Variants in SLC37A1 observed in about 807,000 individuals in gnomAD.
SLC37A1 encodes solute carrier family 37 member 1.
In SLC37A1, 49 loss-of-function variants were observed where a neutral mutation model predicts 75.3. The ratio of observed to expected loss-of-function variants is 0.65; its 90% CI spans 0.52 to 0.83. SLC37A1 has a LOEUF of 0.83. SLC37A1 is among the 40% of genes least tolerant of loss of function. The pLI, the probability that SLC37A1 is intolerant of heterozygous loss-of-function variation, is 0.00. For synonymous variants in SLC37A1, 268 were observed against 292.1 expected (o/e 0.92, Z 0.84); for missense variants, 566 against 695.0 (o/e 0.81, Z 2.09).
chr21:42,578,106 C>T (rs1476234415), intron 18 of SLC37A1, among the ~76,000 whole-genome samples: 1 of 152,198 alleles, frequency 6.6e-6, no homozygotes, highest in Non-Finnish European at 1.5e-5. Context: ...TGTTTCCTCC[C>T]GAGTCTGGAG....
chr21:42,501,296 T>C (rs1453989724), intron 1 of SLC37A1, among the ~76,000 whole-genome samples: 1 of 152,254 alleles, frequency 6.6e-6, no homozygotes, highest in Non-Finnish European at 1.5e-5. Flanking sequence ...TCTCTCAGGA[T>C]ATCAGTTGCT....
intron 18 of SLC37A1, among the ~76,000 whole-genome samples, chr21:42,576,842 T>C (rs1168768478): frequency 1.3e-5 from 2 of 152,048 alleles, no homozygotes; most frequent in Non-Finnish European, 2.9e-5. Context: ...ATGAAGAAAT[T>C]ATCCAGAATT....
intron 6 of SLC37A1, among the ~76,000 whole-genome samples, chr21:42,542,049 A>G (rs1293686655): frequency 6.6e-6 from 1 of 152,192 alleles, no homozygotes; most frequent in Non-Finnish European, 1.5e-5. Context: ...GCCTCTTTCT[A>G]TGAAGTTTTT....
rs148194255 is a variant in SLC37A1 at position 42,541,203 on chromosome 21, G to A, written c.487-1201G>A. ...CGCTCCTATGAGAATCTAACGCCCC[G>A]CTGATCTGACAGGAGGTGGAGCTCA... On this transcript the variant is annotated intron_variant, in intron 6 of 19. Transcript: ENST00000352133. Among the ~76,000 whole-genome samples, 92 of 152,306 alleles carry A rather than the reference G, an allele frequency of 6.0e-4. 3 individuals are homozygous for A. The highest frequency in any genetic ancestry group is 1.7e-3 in the African/African-American group (72 of 41,570).
rs1298255131 is a variant in SLC37A1, at chr21:42,548,583, C to G, written c.768+1443C>G. Among the ~76,000 whole-genome samples, 4 of 152,222 alleles carry G rather than the reference C, an allele frequency of 2.6e-5. No homozygotes were observed. The highest frequency in any genetic ancestry group is 5.9e-5 in the Non-Finnish European group (4 of 68,038). On this transcript the variant is annotated intron_variant, in intron 9 of 19. Transcript: ENST00000352133. The surrounding 1 kb of genome is among the most constrained non-coding windows in gnomAD (Gnocchi z 5.6). Reference sequence around the variant, plus strand: ...GCCTCTACCACCCTGGTCCCCGTCACCACCGTCAGCTCTCCTCCGAGCCAC... The same window carrying G: ...GCCTCTACCACCCTGGTCCCCGTCAGCACCGTCAGCTCTCCTCCGAGCCAC...
chr21:42,555,807 G>A (rs1287072507), intron 10 of SLC37A1, among the ~76,000 whole-genome samples: 2 of 152,244 alleles, frequency 1.3e-5, no homozygotes, highest in African/African-American at 2.4e-5. Flanking sequence ...AGCCAGTTAT[G>A]TAAGTAAAGG....
chr21:42,535,597 T>C (rs1677971273), intron 5 of SLC37A1, 47 bp downstream of exon 5: 2 of 1,529,930 alleles, frequency 1.3e-6, no homozygotes, highest in Admixed American at 3.3e-5. Flanking sequence ...ACCTGGCCCC[T>C]CCGTGCAGAG....
At chr21:42,567,123 G>T in intron 16 of SLC37A1, 65 bp downstream of exon 16, 1 of 1,559,626 alleles carries the variant, frequency 6.4e-7, no homozygotes, top group Non-Finnish European at 8.7e-7. Context: ...CATGACAAAA[G>T]TGGCCTCCAT....
At position 42,558,988 on chromosome 21, in the gene SLC37A1, G is replaced by A. The variant is rs1479445349; in HGVS notation, c.880G>A (p.Asp294Asn). 2 of 1,613,756 alleles carry A rather than the reference G, an allele frequency of 1.2e-6. No homozygotes were observed. Among genetic ancestry groups the A allele is most frequent in the African/African-American group, 2.7e-5 (2 of 74,908 alleles). Residue 294 changes from aspartate to asparagine, a missense_variant, in exon 11 of 20, where the codon GAT becomes AAT. Transcript: ENST00000352133. The part of the protein sequence containing the change: ...DPEMQCLLLS[D>N]GKGSIHPNHV... ...AGAGATGCAGTGCCTGCTGCTCTCA[G>A]ATGGGAAGGGCTCCATCCACCCGAA...
chr21:42,564,935 C>G, intron 14 of SLC37A1, 142 bp downstream of exon 14: 1 of 726,912 alleles, frequency 1.4e-6, no homozygotes. Context: ...CTCCTGTCCC[C>G]CGACCCCTCC....
At position 42,502,044 on chromosome 21, in the gene SLC37A1, C is replaced by T. The variant is rs75590071; in HGVS notation, c.-300-252C>T. ...GGAAGGTCATGATCAAATAAGATAA[C>T]GAGGATGAAATGATTTGGAAGTGCT... On this transcript the variant is annotated intron_variant, in intron 1 of 20. Coordinates refer to the SLC37A1 transcript ENST00000398341. Among the ~76,000 whole-genome samples the T allele has an allele frequency of 2.7e-3, 414 of 152,224 alleles. 2 individuals carry two copies. The highest frequency in any genetic ancestry group is 9.2e-3 in the African/African-American group (383 of 41,534).
chr21:42,516,356 C>T (rs2146702138), intron 1 of SLC37A1, among the ~76,000 whole-genome samples: 1 of 152,294 alleles, frequency 6.6e-6, no homozygotes, highest in South Asian at 2.1e-4. Context: ...GGCGAGCCGC[C>T]TAGCCTCATT....
intron 3 of SLC37A1, among the ~76,000 whole-genome samples, chr21:42,532,255 C>T (rs117566949): frequency 0.059 from 8,941 of 152,328 alleles, 365 homozygotes; most frequent in Middle Eastern, 0.11. Context: ...CATTTCTAAT[C>T]GGATATGTTT....
At chr21:42,517,472 G>A (rs1381072844) in intron 1 of SLC37A1, among the ~76,000 whole-genome samples, 1 of 152,194 alleles carries the variant, frequency 6.6e-6, no homozygotes, top group African/African-American at 2.4e-5. Flanking sequence ...TGGTATAAGG[G>A]AAAAATCCTT....
In SLC37A1 at chr21:42,570,161, G is replaced by A. The variant is rs540848654; in HGVS notation, c.1423+1723G>A. Among the ~76,000 whole-genome samples, 349 of 106,238 alleles carry A rather than the reference G, an allele frequency of 3.3e-3. 35 individuals are homozygous for A. The highest frequency in any genetic ancestry group is 4.3e-3 in the Non-Finnish European group (203 of 47,282). The allele number at this position is 106,238 out of a possible 152,430, so 69.7% of individuals were successfully genotyped here. ...ACACGGCCTGGTTCTGAGAAGCGGC[G>A]GGCAGGGTGGCCATTGCCATGTGAC... On this transcript the variant is annotated intron_variant, in intron 17 of 19. Coordinates refer to ENST00000352133, the MANE Select transcript of SLC37A1 (RefSeq NM_001320537.2).
intron 1 of SLC37A1, among the ~76,000 whole-genome samples, chr21:42,515,717 G>A (rs1039155299): frequency 6.6e-6 from 1 of 152,072 alleles, no homozygotes; most frequent in Non-Finnish European, 1.5e-5. Flanking sequence ...GGTTTTACAG[G>A]TTGTAATAAA....
At chr21:42,521,337 T>C (rs1448365803) in intron 2 of SLC37A1, among the ~76,000 whole-genome samples, 1 of 152,214 alleles carries the variant, frequency 6.6e-6, no homozygotes, top group Non-Finnish European at 1.5e-5. Flanking sequence ...ATAGACAGAA[T>C]TACAAAATAA....
At chr21:42,509,999 T>C (rs528277861), upstream of SLC37A1, among the ~76,000 whole-genome samples, 1 of 152,350 alleles carries the variant, frequency 6.6e-6, no homozygotes, top group Admixed American at 6.5e-5. This position sits in a 1 kb window ranked among gnomAD's most constrained non-coding sequence, Gnocchi z 4.2. Flanking sequence ...GTCTGCTCCT[T>C]AAGTTGATGG....
chr21:42,564,223 C>CCAAAAA (rs2055912786), intron 13 of SLC37A1, among the ~76,000 whole-genome samples: 1 of 79,982 alleles, frequency 1.3e-5, no homozygotes, highest in Non-Finnish European at 2.4e-5. Flanking sequence ...CCCCTCTCTA[C>CCAAAAA]AAAAAAAAAA....
Sources: allele counts gnomAD v4.1 joint callset (sites outside exome capture counted in the v4.1 genomes callset), GRCh38; gene constraint gnomAD v4.1.1; non-coding constraint Gnocchi (gnomAD v3.1); transcripts MANE v1.5; gene names NCBI Gene and HGNC (gene_info 2026-07-23, HGNC 2026-07-21).